Variants in FRMD8 observed in about 807,000 individuals in gnomAD.
FRMD8 encodes the protein FERM domain containing 8.
Under a neutral mutation model 54.2 loss-of-function variants are expected in FRMD8, and 37 were observed. The observed-to-expected ratio is 0.68, with a 90% confidence interval of 0.53 to 0.90. The LOEUF (loss-of-function observed/expected upper bound fraction) is 0.90. FRMD8 is among the 40% of genes least tolerant of loss of function. The pLI, the probability that FRMD8 is intolerant of heterozygous loss-of-function variation, is 0.00. For synonymous variants in FRMD8, 246 were observed against 286.9 expected, an observed-to-expected ratio of 0.86 and a Z score of 1.44; for missense variants, 585 against 653.7, an observed-to-expected ratio of 0.89 and a Z score of 1.15.
At chr11:65,391,096 A>G (rs1855836448) in intron 3 of FRMD8, among the ~76,000 whole-genome samples, 1 of 152,268 alleles carries the variant, frequency 6.6e-6, no homozygotes, top group Non-Finnish European at 1.5e-5. Flanking sequence ...CTGCAAGGGC[A>G]GGGAGGGGCG....
the FRMD8 span, chr11:65,380,656 C>T: frequency 8.0e-7 from 1 of 1,254,640 alleles, no homozygotes; most frequent in African/African-American, 1.5e-5. Context: ...TGCCTGGGCA[C>T]CTGCAGAGGA....
the FRMD8 span, among the ~76,000 whole-genome samples, chr11:65,368,756 G>C: frequency 2.0e-5 from 3 of 151,494 alleles, no homozygotes; most frequent in Admixed American, 6.6e-5. Flanking sequence ...GTAGAGACAG[G>C]GTTTCACCAT....
At chr11:65,405,963 C>G (rs897840067) in intron 10 of FRMD8, among the ~76,000 whole-genome samples, 1 of 151,684 alleles carries the variant, frequency 6.6e-6, no homozygotes, top group Non-Finnish European at 1.5e-5. Flanking sequence ...TACGATTGTA[C>G]CACTGCACTC....
At chr11:65,385,902 TCTC>T (rs1855721726), upstream of FRMD8, among the ~76,000 whole-genome samples, 1 of 151,978 alleles carries the variant, frequency 6.6e-6, no homozygotes, top group African/African-American at 2.4e-5. Flanking sequence ...TTCACACCAT[TCTC>T]CTGCCTCAGC....
chr11:65,395,205 T>C (rs1855927377), intron 6 of FRMD8, among the ~76,000 whole-genome samples: 1 of 143,864 alleles, frequency 7.0e-6, no homozygotes, highest in Non-Finnish European at 1.5e-5. Flanking sequence ...CAAGGGCATG[T>C]CACTGCACTC....
chr11:65,386,551 G>A (rs1400298037), upstream of FRMD8: 1 of 156,742 alleles, frequency 6.4e-6, no homozygotes, highest in African/African-American at 2.4e-5. Context: ...CGGGCCGCGC[G>A]GGGCGGCCCT....
At chr11:65,406,648 G>A (rs1230892626) in intron 10 of FRMD8, among the ~76,000 whole-genome samples, 2 of 151,592 alleles carry the variant, frequency 1.3e-5, no homozygotes, top group African/African-American at 2.4e-5. Context: ...TTTTTAAAAA[G>A]GAATACCCTG....
At chr11:65,390,056 G>T (rs1855813752) in intron 3 of FRMD8, among the ~76,000 whole-genome samples, 3 of 152,152 alleles carry the variant, frequency 2.0e-5, no homozygotes, top group Admixed American at 1.3e-4. Flanking sequence ...AAGGGACATG[G>T]CTCAGGAAGT....
intron 1 of FRMD8, 29 bp downstream of exon 1, chr11:65,386,790 C>G: frequency 1.8e-6 from 1 of 543,152 alleles, no homozygotes. Flanking sequence ...CTGGCCCGGG[C>G]CTCCGTCCCC....
At chr11:65,384,380 G>A (rs574777038), upstream of FRMD8, among the ~76,000 whole-genome samples, 6 of 151,792 alleles carry the variant, frequency 4.0e-5, no homozygotes, top group African/African-American at 1.5e-4. Context: ...TCAGCCTCCC[G>A]GACTCTCTCC....
Position 65,411,361 on chromosome 11 carries a change from G to A in FRMD8, c.*1G>A, listed in dbSNP as rs1411813265. On this transcript the variant is annotated 3_prime_UTR_variant, in exon 11 of 11. Transcript: ENST00000317568. ...CGGCGACAGCCTGGAGCAGGGCTGA[G>A]GACGCTGCACCCGGCAGGAGGAGGG... is the stretch of plus-strand genomic sequence containing the variant. The A allele has an allele frequency of 6.3e-7, 1 of 1,576,782 alleles. No homozygotes were observed. Among genetic ancestry groups the A allele is most frequent in the Non-Finnish European group, 8.6e-7 (1 of 1,159,466 alleles).
At position 65,394,433 on chromosome 11, in the gene FRMD8, C is replaced by T. The variant is rs1283095701; in HGVS notation, c.581+8C>T. 1.9e-6 allele frequency: 3 copies of T among 1,563,046 alleles called. No homozygotes were observed. The highest frequency in any genetic ancestry group is 3.8e-5 in the Admixed American group (2 of 52,846). ...GGCAGCCTGCGACCTGAGGTGAGGG[C>T]CTGTGTGACTTGAGGCGGGGGCGCT... On this transcript the variant is annotated splice_region_variant and intron_variant, in intron 6 of 10. Coordinates refer to ENST00000317568, the MANE Select transcript of FRMD8 (RefSeq NM_031904.5).
intron 3 of FRMD8, among the ~76,000 whole-genome samples, chr11:65,391,280 A>G (rs1855840757): frequency 2.6e-5 from 4 of 152,188 alleles, no homozygotes; most frequent in Admixed American, 6.5e-5. Flanking sequence ...AGTTCTGAAG[A>G]CAGGAAGGAG....
rs769229269 is a variant in FRMD8, at chr11:65,411,266, C to T, written c.1301C>T (p.Pro434Leu). The part of the protein sequence containing the change: ...EDGKGIRRVK[P>L]KRTTSFFSRQ... ...GGCAAGGGGATCAGGCGAGTGAAGCCGAAGCGCACCACATCCTTCTTCAGC... is the reference window on the plus strand; with the variant it reads ...GGCAAGGGGATCAGGCGAGTGAAGCTGAAGCGCACCACATCCTTCTTCAGC... Residue 434 changes from proline to leucine, a missense_variant, in exon 11 of 11, where the codon CCG becomes CTG. Coordinates refer to ENST00000317568, the MANE Select transcript of FRMD8 (RefSeq NM_031904.5). The T allele has an allele frequency of 1.2e-5, 19 of 1,609,096 alleles. No homozygotes were observed. Among genetic ancestry groups the T allele is most frequent in the South Asian group, 5.5e-5 (5 of 90,588 alleles).
At chr11:65,380,321 TA>T in the FRMD8 span, 3 of 1,221,434 alleles carry the variant, frequency 2.5e-6, no homozygotes, top group South Asian at 2.7e-5. Flanking sequence ...TGCCAAGCTC[TA>T]GAGACTCCAG....
chr11:65,395,970 C>T (rs1855945114), intron 6 of FRMD8, among the ~76,000 whole-genome samples: 1 of 152,214 alleles, frequency 6.6e-6, no homozygotes, highest in African/African-American at 2.4e-5. Flanking sequence ...TCTCCTGGGC[C>T]TCCTTCACTC....
chr11:65,394,230 G>A (rs1375918692), intron 5 of FRMD8, 29 bp from the exon 6 acceptor site: 1 of 1,593,818 alleles, frequency 6.3e-7, no homozygotes, highest in Non-Finnish European at 8.5e-7. Flanking sequence ...GCCCAGCTGA[G>A]CGGCTGTCCC....
At chr11:65,406,948 T>C (rs1012621013) in intron 10 of FRMD8, among the ~76,000 whole-genome samples, 3 of 151,634 alleles carry the variant, frequency 2.0e-5, no homozygotes, top group Non-Finnish European at 4.4e-5. Flanking sequence ...CTCAAATAAA[T>C]AAATAAATAA....
At chr11:65,395,142 G>A (rs568143780) in intron 6 of FRMD8, among the ~76,000 whole-genome samples, 73 of 152,278 alleles carry the variant, frequency 4.8e-4, no homozygotes, top group Non-Finnish European at 7.9e-4. Flanking sequence ...AGCCGTTTGG[G>A]AGGCTGAGGC....
Sources: allele counts gnomAD v4.1 joint callset (sites outside exome capture counted in the v4.1 genomes callset), GRCh38; gene constraint gnomAD v4.1.1; transcripts MANE v1.5; gene names NCBI Gene and HGNC (gene_info 2026-07-23, HGNC 2026-07-21).